The following IFTAP variants were observed in gnomAD, a reference collection of about 807,000 sequenced individuals.
IFTAP encodes intraflagellar transport-associated protein.
In IFTAP, 19 loss-of-function variants were observed where a neutral mutation model predicts 19.4. The observed-to-expected ratio is 0.98, with a 90% CI of 0.68 to 1.44. IFTAP has a LOEUF of 1.44. IFTAP is among the 40% of genes most tolerant of loss of function. The pLI is 0.00. For missense variants in IFTAP, 240 were observed against 253.6 expected (o/e 0.95, Z 0.36); for synonymous variants, 85 against 83.5 (o/e 1.02, Z -0.10).
intron 2 of IFTAP, among the ~76,000 whole-genome samples, chr11:36,627,777 A>C (rs1852570410): frequency 6.6e-6 from 1 of 150,976 alleles, no homozygotes; most frequent in African/African-American, 2.5e-5. Context: ...CTTGGCACCA[A>C]ACTGTTTTCT....
At chr11:36,644,875 G>A (rs1176174240) in intron 4 of IFTAP, among the ~76,000 whole-genome samples, 1 of 150,390 alleles carries the variant, frequency 6.6e-6, no homozygotes, top group Admixed American at 6.6e-5. Context: ...GGGAGGGATA[G>A]CATTAGGAGA....
intron 2 of IFTAP, among the ~76,000 whole-genome samples, chr11:36,619,087 A>T (rs1852203484): frequency 6.6e-6 from 1 of 152,044 alleles, no homozygotes; most frequent in African/African-American, 2.4e-5. Context: ...ACTTCTTCAA[A>T]GTTACACAGT....
chr11:36,630,271 C>T (rs973026033), intron 2 of IFTAP, among the ~76,000 whole-genome samples: 3 of 151,222 alleles, frequency 2.0e-5, no homozygotes, highest in Admixed American at 6.6e-5. Flanking sequence ...TTAAAAACAA[C>T]GATAAAAGCC....
chr11:36,617,250 T>C (rs1009772087), intron 2 of IFTAP, among the ~76,000 whole-genome samples: 30 of 150,284 alleles, frequency 2.0e-4, no homozygotes, highest in African/African-American at 7.1e-4. Flanking sequence ...TATTTATTTG[T>C]ATATTTATTT....
chr11:36,631,220 G>A (rs188116801), intron 2 of IFTAP, among the ~76,000 whole-genome samples: 2 of 151,462 alleles, frequency 1.3e-5, no homozygotes, highest in Non-Finnish European at 2.9e-5. Flanking sequence ...GAGGCAAAAG[G>A]CAAGGGCTAC....
intron 5 of IFTAP, among the ~76,000 whole-genome samples, chr11:36,654,075 T>C (rs1853862923): frequency 6.6e-6 from 1 of 152,178 alleles, no homozygotes; most frequent in Non-Finnish European, 1.5e-5. Context: ...TCTGTTCTTA[T>C]GTCTCTCTTT....
chr11:36,612,976 G>A (rs148638342), intron 2 of IFTAP, among the ~76,000 whole-genome samples: 1 of 152,064 alleles, frequency 6.6e-6, no homozygotes, highest in East Asian at 1.9e-4. Context: ...CTTTTTTAGA[G>A]CAACTAGGTT....
chr11:36,652,977 G>A (rs953933629), intron 5 of IFTAP, among the ~76,000 whole-genome samples: 2 of 152,056 alleles, frequency 1.3e-5, no homozygotes, highest in Admixed American at 1.3e-4. Flanking sequence ...TTAGGAGGAT[G>A]AAAATTTGTG....
At chr11:36,652,194 G>T (rs983034055) in intron 5 of IFTAP, among the ~76,000 whole-genome samples, 4 of 152,090 alleles carry the variant, frequency 2.6e-5, no homozygotes, top group Non-Finnish European at 5.9e-5. Context: ...ACATGGAATG[G>T]TCTTCCATTT....
At chr11:36,609,091 C>T (rs1166982324) in intron 1 of IFTAP, among the ~76,000 whole-genome samples, 2 of 152,162 alleles carry the variant, frequency 1.3e-5, no homozygotes, top group Non-Finnish European at 2.9e-5. Flanking sequence ...CAGAAATGTA[C>T]ACAACTGTTT....
chr11:36,594,560 T>A lies in IFTAP; in HGVS notation c.-56T>A, dbSNP rs1011560887. ...TTGTTGCTCTGGGAGAGGGGACTCC[T>A]GGAATGTGTCTGTGAATAAAGACTA... On this transcript the variant is annotated 5_prime_UTR_variant, in exon 1 of 6. Transcript: ENST00000334307. 8.3e-6 allele frequency: 2 copies of A among 241,078 alleles called. No individual in the cohort carries two copies. Among genetic ancestry groups the A allele is most frequent in the Non-Finnish European group, 1.6e-5 (2 of 122,686 alleles). The allele number at this position is 241,078 out of a possible 1,614,324, so 14.9% of individuals were successfully genotyped here.
At chr11:36,618,232 A>G (rs768831728) in intron 2 of IFTAP, among the ~76,000 whole-genome samples, 6 of 151,970 alleles carry the variant, frequency 3.9e-5, no homozygotes, top group Non-Finnish European at 8.8e-5. Context: ...AAATGAGGTC[A>G]TAAGGGTGGG....
chr11:36,612,236 T>A (rs1048855134), intron 2 of IFTAP, among the ~76,000 whole-genome samples: 3 of 151,950 alleles, frequency 2.0e-5, no homozygotes, highest in Admixed American at 6.6e-5. Flanking sequence ...CTGAAATAAA[T>A]GATGATGCAA....
chr11:36,607,197 CA>C (rs1184418648), intron 1 of IFTAP, among the ~76,000 whole-genome samples: 1 of 152,182 alleles, frequency 6.6e-6, no homozygotes, highest in African/African-American at 2.4e-5. Flanking sequence ...ACAGTTATAA[CA>C]GGTCTTTGTG....
chr11:36,634,662 A>G (rs1852868362), intron 3 of IFTAP, among the ~76,000 whole-genome samples: 1 of 152,190 alleles, frequency 6.6e-6, no homozygotes, highest in Non-Finnish European at 1.5e-5. Context: ...AGTTCTTTTC[A>G]AGGTGATCTG....
At chr11:36,606,273 A>G (rs1384512758) in intron 1 of IFTAP, among the ~76,000 whole-genome samples, 1 of 152,168 alleles carries the variant, frequency 6.6e-6, no homozygotes, top group Admixed American at 6.5e-5. Flanking sequence ...AGTCTGCCCA[A>G]CATGGCGAAA....
rs564411404 is a variant in IFTAP, at chr11:36,608,868, T to C, written c.-23-1213T>C. ...TTTAAGGACTTGAAACCATGTCATA[T>C]AGGGCACGGGTGAAATAATTGAGCA... On this transcript the variant is annotated intron_variant, in intron 1 of 5. Coordinates refer to ENST00000334307, the MANE Select transcript of IFTAP (RefSeq NM_138787.4). Among the ~76,000 whole-genome samples the C allele has an allele frequency of 1.4e-3, 207 of 152,312 alleles. 9 individuals carry two copies. The South Asian group carries it at 0.041, about 30-fold the overall frequency.
chr11:36,648,205 T>C (rs1436956763), intron 5 of IFTAP, 50 bp downstream of exon 5: 4 of 1,576,116 alleles, frequency 2.5e-6, no homozygotes, highest in Admixed American at 1.8e-5. Flanking sequence ...GATTTTGTAA[T>C]TCATCCCTTC....
chr11:36,655,770 A>G (rs1853957481), intron 5 of IFTAP, among the ~76,000 whole-genome samples: 1 of 152,110 alleles, frequency 6.6e-6, no homozygotes, highest in Admixed American at 6.6e-5. Flanking sequence ...GCTGTTGATA[A>G]CCCTTAATTT....
Sources: gnomAD v4.1 joint callset for allele counts (sites outside exome capture counted in the v4.1 genomes callset) on GRCh38, gnomAD v4.1.1 for gene constraint, MANE v1.5 for transcripts, NCBI Gene and HGNC (gene_info 2026-07-23, HGNC 2026-07-21) for gene names.